Variants in PPIP5K1 observed in about 807,000 individuals in gnomAD.
The protein encoded by PPIP5K1 is inositol hexakisphosphate and diphosphoinositol-pentakisphosphate kinase 1.
In PPIP5K1, 6 loss-of-function variants were observed where a neutral mutation model predicts 27.7. The ratio of observed to expected loss-of-function variants is 0.22; its 90% CI spans 0.12 to 0.43. The LOEUF is 0.43. PPIP5K1 is among the 20% of genes least tolerant of loss of function. PPIP5K1 has a pLI of 1.00. For missense variants in PPIP5K1, 394 were observed against 635.4 expected (o/e 0.62, Z 4.08); for synonymous variants, 145 against 242.6 (o/e 0.60, Z 3.74).
chr15:43,546,409 G>A lies in PPIP5K1; in HGVS notation c.3557-6826C>T, dbSNP rs187318456. Reference sequence around the variant, plus strand: ...ATTCCTGGGTTCAAGTGATCCTCCCGCCTCAGCCTCCAGAGTAGCTAAGAC... The same window carrying A: ...ATTCCTGGGTTCAAGTGATCCTCCCACCTCAGCCTCCAGAGTAGCTAAGAC... On this transcript the variant is annotated intron_variant, in intron 30 of 31. Transcript: ENST00000420765. Among the ~76,000 whole-genome samples the A allele has an allele frequency of 5.9e-3, 895 of 152,114 alleles. 6 individuals carry two copies. The highest frequency in any genetic ancestry group is 0.015 in the Admixed American group (230 of 15,264).
chr15:43,559,522 A>T (rs1321273970), intron 29 of PPIP5K1, among the ~76,000 whole-genome samples: 2 of 152,310 alleles, frequency 1.3e-5, no homozygotes, highest in Non-Finnish European at 2.9e-5. Context: ...CATGAACAGG[A>T]TGGGGATGGG....
chr15:43,541,459 G>A (rs2080695008), intron 30 of PPIP5K1, among the ~76,000 whole-genome samples: 1 of 152,088 alleles, frequency 6.6e-6, no homozygotes, highest in African/African-American at 2.4e-5. Flanking sequence ...GCTCATGCCT[G>A]TAATCCCAGC....
At chr15:43,558,999 G>A in intron 29 of PPIP5K1, 67 bp from the exon 30 acceptor site, 3 of 1,591,378 alleles carry the variant, frequency 1.9e-6, no homozygotes, top group Admixed American at 3.3e-5. Flanking sequence ...GGCCAAGGAA[G>A]CATGGAGAGT....
intron 31 of PPIP5K1, among the ~76,000 whole-genome samples, chr15:43,537,706 A>AAAAAG (rs1555419105): frequency 5.5e-5 from 7 of 126,770 alleles, no homozygotes; most frequent in South Asian, 2.6e-4. Flanking sequence ...AAAAAAAAAA[A>AAAAAG]AGAGAGAGAG....
At chr15:43,544,528 C>T (rs946830247) in intron 30 of PPIP5K1, among the ~76,000 whole-genome samples, 3 of 152,208 alleles carry the variant, frequency 2.0e-5, no homozygotes, top group Non-Finnish European at 4.4e-5. Flanking sequence ...GGAGCAGTGG[C>T]TTACATCCAT....
rs2084355015 is a variant in PPIP5K1, at chr15:43,572,636, CT to C, written c.2673+132del. 2.9e-5 allele frequency: 21 copies of C among 733,290 alleles called. No individual in the cohort carries two copies. In the South Asian group the frequency reaches 3.0e-4, roughly 10 times the overall value. 45.4% of individuals were successfully genotyped at this position (733,290 alleles called of 1,614,324 possible). A position where few individuals can be genotyped will look rare whatever the true frequency, so the allele number is the denominator to read the frequency against. ...CATTCCAGTAGGAACCTCCTGGATG[CT>C]CTGTGTCATGCTGTGCGTAAGTGCC... On this transcript the variant is annotated intron_variant, in intron 23 of 31. Coordinates refer to ENST00000420765, the MANE Select transcript of PPIP5K1 (RefSeq NM_001394395.1).
Position 43,558,910 on chromosome 15 carries a change from C to T in PPIP5K1, c.3441G>A (p.Val1147=). ...CLYGFEGCSM[V]PTIYPLETLH... is the part of the protein sequence containing the mutation. ...GTGTTTCCAGAGGGTAGATGGTAGG[C>T]ACCATGGAACACCCTTCAAACCCTG... Residue 1147 remains valine (V), a synonymous_variant, in exon 30 of 32, where the codon GTG becomes GTA. Coordinates refer to ENST00000420765, the MANE Select transcript of PPIP5K1 (RefSeq NM_001394395.1). 1.9e-6 allele frequency: 3 copies of T among 1,613,694 alleles called. 1 individual carries two copies. The South Asian group carries it at 3.3e-5, about 18-fold the overall frequency.
intron 30 of PPIP5K1, among the ~76,000 whole-genome samples, chr15:43,546,906 A>C (rs1010093998): frequency 6.6e-6 from 1 of 150,876 alleles, no homozygotes; most frequent in Non-Finnish European, 1.5e-5. Flanking sequence ...TGATCCGCCC[A>C]CCTTGGCCTC....
chr15:43,536,045 G>T (rs1037902953), intron 31 of PPIP5K1: 39 of 1,228,744 alleles, frequency 3.2e-5, no homozygotes, highest in Non-Finnish European at 4.0e-5. Flanking sequence ...TGGGGCAGAG[G>T]TAATCATTAT....
At chr15:43,547,055 CCTAA>C (rs71431899) in intron 30 of PPIP5K1, among the ~76,000 whole-genome samples, 25,558 of 152,064 alleles carry the variant, frequency 0.17, 2,291 homozygotes, top group Middle Eastern at 0.26. Flanking sequence ...TTGTCCACAT[CCTAA>C]CTAACACTTT....
At chr15:43,580,507 T>A (rs924242669) in intron 10 of PPIP5K1, among the ~76,000 whole-genome samples, 1 of 121,026 alleles carries the variant, frequency 8.3e-6, no homozygotes, top group South Asian at 2.5e-4. Flanking sequence ...TTAACAACAA[T>A]GGTCTCTGGG....
intron 30 of PPIP5K1, among the ~76,000 whole-genome samples, chr15:43,545,340 A>G (rs2081244628): frequency 6.6e-6 from 1 of 152,114 alleles, no homozygotes; most frequent in Admixed American, 6.6e-5. Flanking sequence ...ATATTGTCAA[A>G]CTTTTGGATT....
rs1180750010 is a variant in PPIP5K1 at position 43,579,643 on chromosome 15, A to G, written c.1062-523T>C. Among the ~76,000 whole-genome samples, 4 of 61,634 alleles carry G rather than the reference A, an allele frequency of 6.5e-5. No individual in the cohort carries two copies. In the Admixed American group the frequency reaches 7.1e-4, roughly 11 times the overall value. The allele number at this position is 61,634 out of a possible 152,430, so 40.4% of individuals were successfully genotyped here. On this transcript the variant is annotated intron_variant, in intron 10 of 31. Coordinates refer to ENST00000420765, the MANE Select transcript of PPIP5K1 (RefSeq NM_001394395.1). Reference sequence around the variant, plus strand: ...TGTGTGTGTGTGTGTATATATATATATATATATATATTTTTTTTTTTTTTT... The same window carrying G: ...TGTGTGTGTGTGTGTATATATATATGTATATATATATTTTTTTTTTTTTTT...
intron 30 of PPIP5K1, among the ~76,000 whole-genome samples, chr15:43,540,651 C>T (rs1188626462): frequency 1.3e-5 from 2 of 150,364 alleles, no homozygotes; most frequent in South Asian, 2.1e-4. Flanking sequence ...GAGCCGAGAT[C>T]GCATCATTGC....
intron 30 of PPIP5K1, among the ~76,000 whole-genome samples, chr15:43,558,452 A>T (rs1398273507): frequency 6.6e-6 from 1 of 152,010 alleles, no homozygotes; most frequent in Non-Finnish European, 1.5e-5. Context: ...GGTCTCCATC[A>T]CTTGACCTCG....
chr15:43,534,650 CA>C lies in PPIP5K1; in HGVS notation c.*23del. 1 of 1,504,784 alleles carries C rather than the reference CA, an allele frequency of 6.6e-7. No individual in the cohort carries two copies. Among genetic ancestry groups the C allele is most frequent in the Non-Finnish European group, 8.9e-7 (1 of 1,128,430 alleles). 93.2% of individuals were successfully genotyped at this position (1,504,784 alleles called of 1,614,324 possible). ...TACCCTCTCCAGGCAGCTGATCAAT[CA>C]CTTCAGGGACCACCCAGGACTTCTA... On this transcript the variant is annotated 3_prime_UTR_variant, in exon 32 of 32. Transcript: ENST00000420765.
intron 30 of PPIP5K1, among the ~76,000 whole-genome samples, chr15:43,549,041 AAAAAAAAAAAAAAAAATATAT>A (rs1164174963): frequency 8.2e-4 from 76 of 92,252 alleles, no homozygotes; most frequent in African/African-American, 4.5e-3. Flanking sequence ...AAAAAAAAAA[AAAAAAAAAAAAAAAAATATAT>A]ATATATATAT....
chr15:43,550,239 C>T (rs2082024676), intron 30 of PPIP5K1, among the ~76,000 whole-genome samples: 2 of 152,020 alleles, frequency 1.3e-5, no homozygotes, highest in Admixed American at 6.6e-5. Context: ...ATGCTCAAGC[C>T]ATCCTCCTCC....
At chr15:43,557,464 T>G (rs368105166) in intron 30 of PPIP5K1, among the ~76,000 whole-genome samples, 91 of 152,160 alleles carry the variant, frequency 6.0e-4, no homozygotes, top group African/African-American at 2.1e-3. Context: ...AGTCTTTGTG[T>G]CACACCTGTA....
Sources: allele counts gnomAD v4.1 joint callset (sites outside exome capture counted in the v4.1 genomes callset), GRCh38; gene constraint gnomAD v4.1.1; transcripts MANE v1.5; gene names NCBI Gene and HGNC (gene_info 2026-07-23, HGNC 2026-07-21).